Variants in BAIAP2 observed in about 807,000 individuals in gnomAD.
BAIAP2 encodes the protein BAR/IMD domain-containing adapter protein 2.
BAIAP2 carries 18 observed loss-of-function variants against 63.0 expected under a neutral mutation model. That is an observed-to-expected ratio of 0.29 (90% CI 0.20 to 0.42). The LOEUF is 0.42. Among genes scored for constraint, BAIAP2 ranks in the 10% least tolerant of loss-of-function variants. The pLI, the probability that BAIAP2 is intolerant of heterozygous loss-of-function variation, is 1.00. For synonymous variants in BAIAP2, 386 were observed against 307.6 expected (o/e 1.25, Z -2.67); for missense variants, 610 against 734.3 (o/e 0.83, Z 1.96).
intron 3 of BAIAP2, among the ~76,000 whole-genome samples, chr17:81,080,023 C>G (rs192762646): frequency 1.3e-5 from 2 of 152,304 alleles, no homozygotes; most frequent in East Asian, 3.9e-4. Flanking sequence ...GTGGAGCCCT[C>G]GCTACTCCGT....
chr17:81,090,712 T>A (rs2056574083), intron 6 of BAIAP2, among the ~76,000 whole-genome samples: 1 of 152,100 alleles, frequency 6.6e-6, no homozygotes. Context: ...GTGGGGCACT[T>A]GGTATGTGGC....
At chr17:81,098,314 TCC>T in intron 6 of BAIAP2, 1 of 606,834 alleles carries the variant, frequency 1.6e-6, no homozygotes, top group Non-Finnish European at 2.4e-6. Context: ...CGCCACTCTC[TCC>T]CCCAAACTCC....
At chr17:81,043,885 G>A (rs113843736) in intron 1 of BAIAP2, among the ~76,000 whole-genome samples, 4,450 of 152,358 alleles carry the variant, frequency 0.029, 93 homozygotes, top group South Asian at 0.089. Context: ...CGTTCTCGCC[G>A]CGGGGTCTCT....
intron 3 of BAIAP2, 22 bp from the exon 4 acceptor site, chr17:81,084,810 C>G: frequency 1.2e-6 from 2 of 1,612,702 alleles, no homozygotes; most frequent in South Asian, 1.1e-5. Context: ...CCTCCCCTTC[C>G]TTCTGCTGTT....
At chr17:81,086,254 A>G (rs1348022651) in intron 5 of BAIAP2, among the ~76,000 whole-genome samples, 189 bp from the exon 6 acceptor site, 1 of 151,824 alleles carries the variant, frequency 6.6e-6, no homozygotes, top group East Asian at 1.9e-4. Context: ...CTGAGGCTTC[A>G]TTTGGGCTCT....
chr17:81,035,841 C>T, intron 1 of BAIAP2, among the ~76,000 whole-genome samples: 1 of 152,218 alleles, frequency 6.6e-6, no homozygotes, highest in Admixed American at 6.5e-5. Context: ...GCACTTCATT[C>T]TCAACAGGCT....
intron 3 of BAIAP2, among the ~76,000 whole-genome samples, chr17:81,064,377 C>T (rs757505640): frequency 3.3e-5 from 5 of 152,162 alleles, no homozygotes; most frequent in Admixed American, 1.3e-4. Flanking sequence ...CACTGACTCC[C>T]GGCTAATCAC....
chr17:81,109,808 A>T, intron 13 of BAIAP2: 9 of 985,086 alleles, frequency 9.1e-6, no homozygotes, highest in Non-Finnish European at 1.1e-5. Flanking sequence ...TCCAGAGACC[A>T]CCCCACCCCC....
intron 13 of BAIAP2, among the ~76,000 whole-genome samples, chr17:81,113,328 A>G (rs2060126685): frequency 6.6e-6 from 1 of 152,196 alleles, no homozygotes; most frequent in South Asian, 2.1e-4. Context: ...GCCCAGGGCC[A>G]TGTCCTGCAG....
At chr17:81,041,231 C>T (rs1017895574) in intron 1 of BAIAP2, among the ~76,000 whole-genome samples, 3 of 152,216 alleles carry the variant, frequency 2.0e-5, no homozygotes, top group Admixed American at 2.0e-4. Flanking sequence ...GCCATATGAC[C>T]TTGGCCAAAT....
rs1000056858 is a variant in BAIAP2, at chr17:81,103,794, C to T, written c.864+71C>T. ...GCAGCTTGTTGTCAGGGCGGGGGGC[C>T]GCCAGGGTGCAGAGTCCAGGGGCCC... On this transcript the variant is annotated intron_variant, in intron 8 of 13. Transcript: ENST00000428708. 200 of 1,577,044 alleles carry T rather than the reference C, an allele frequency of 1.3e-4. 1 individual carries two copies. The highest frequency in any genetic ancestry group is 1.9e-4 in the Middle Eastern group (1 of 5,214).
rs2060542819 is a variant in BAIAP2 at position 81,116,472 on chromosome 17, C to T, written c.*633C>T. The T allele has an allele frequency of 2.2e-6, 2 of 889,060 alleles. No homozygotes were observed. The highest frequency in any genetic ancestry group is 3.3e-6 in the Non-Finnish European group (2 of 598,230). 55.1% of individuals were successfully genotyped at this position (889,060 alleles called of 1,614,324 possible). A position where few individuals can be genotyped will look rare whatever the true frequency, so the allele number is the denominator to read the frequency against. ...CTCCTGCCTCGGGCAGGCCCCAGCC[C>T]TCCTCCTTACCCAACCTCCCATCCA... On this transcript the variant is annotated 3_prime_UTR_variant, in exon 14 of 14. Transcript: ENST00000428708.
chr17:81,104,866 C>T lies in BAIAP2; in HGVS notation c.1268+151C>T, dbSNP rs1034261185. ...AGAAGACCTGGGCAGTGAGAGCAAG[C>T]GTGACCTGGGGTCTTCGCCACCAAC... On this transcript the variant is annotated intron_variant, in intron 10 of 13. Coordinates refer to ENST00000428708, the MANE Select transcript of BAIAP2 (RefSeq NM_001144888.2). The T allele has an allele frequency of 5.9e-6, 5 of 852,692 alleles. No homozygotes were observed. In the African/African-American group the frequency reaches 8.6e-5, roughly 15 times the overall value. 52.8% of individuals were successfully genotyped at this position (852,692 alleles called of 1,614,324 possible).
At chr17:81,109,023 G>T (rs367765542) in intron 13 of BAIAP2, 879 of 1,540,762 alleles carry the variant, frequency 5.7e-4, no homozygotes, top group Non-Finnish European at 7.5e-4. Context: ...GGCAGCCGCT[G>T]CTCTGAAGAG....
At chr17:81,112,429 C>T (rs935844059) in intron 13 of BAIAP2, among the ~76,000 whole-genome samples, 1 of 152,238 alleles carries the variant, frequency 6.6e-6, no homozygotes, top group Non-Finnish European at 1.5e-5. Flanking sequence ...AAGCCACTTG[C>T]AGTTGGCCAA....
rs961021218 is a variant in BAIAP2 at position 81,103,801 on chromosome 17, G to T, written c.864+78G>T. 15 of 1,580,282 alleles carry T rather than the reference G, an allele frequency of 9.5e-6. No individual in the cohort carries two copies. In the African/African-American group the frequency reaches 1.3e-4, roughly 14 times the overall value. ...GTTGTCAGGGCGGGGGGCCGCCAGG[G>T]TGCAGAGTCCAGGGGCCCCTGCTGA... is the stretch of plus-strand genomic sequence containing the variant. On this transcript the variant is annotated intron_variant, in intron 8 of 13. Coordinates refer to ENST00000428708, the MANE Select transcript of BAIAP2 (RefSeq NM_001144888.2).
At chr17:81,101,199 C>T (rs1050199400) in intron 7 of BAIAP2, among the ~76,000 whole-genome samples, 1 of 152,154 alleles carries the variant, frequency 6.6e-6, no homozygotes, top group Admixed American at 6.5e-5. Context: ...GGGGGAATCC[C>T]GCCCTGGGAT....
intron 1 of BAIAP2, among the ~76,000 whole-genome samples, chr17:81,048,891 G>A (rs1480323580): frequency 2.6e-5 from 4 of 152,210 alleles, no homozygotes; most frequent in South Asian, 2.1e-4. Flanking sequence ...CTCCTCTCCC[G>A]GCACTTCGCG....
At chr17:81,072,771 G>A (rs1181993666) in intron 3 of BAIAP2, among the ~76,000 whole-genome samples, 1 of 151,924 alleles carries the variant, frequency 6.6e-6, no homozygotes, top group Non-Finnish European at 1.5e-5. Context: ...CCTCTGCTTG[G>A]AGGTGGGTGT....
Sources: gnomAD v4.1 joint callset for allele counts (sites outside exome capture counted in the v4.1 genomes callset) on GRCh38, gnomAD v4.1.1 for gene constraint, MANE v1.5 for transcripts, NCBI Gene and HGNC (gene_info 2026-07-23, HGNC 2026-07-21) for gene names.